CPB2: variants seen among roughly 807,000 people sequenced by gnomAD.
CPB2 encodes the protein carboxypeptidase B-like protein.
In CPB2, 54 loss-of-function variants were observed where a neutral mutation model predicts 57.0. The ratio of observed to expected loss-of-function variants is 0.95; its 90% CI spans 0.76 to 1.19. CPB2 has a LOEUF of 1.19. Among genes scored for constraint, CPB2 ranks in the 50% most tolerant of loss-of-function variants. The probability of loss-of-function intolerance (pLI) is 0.00; values close to 1 mark genes in which losing one functional copy is unlikely to be tolerated. For synonymous variants in CPB2, 189 were observed against 178.1 expected (o/e 1.06, Z -0.49); for missense variants, 426 against 512.0 (o/e 0.83, Z 1.62).
intron 6 of CPB2, among the ~76,000 whole-genome samples, chr13:46,068,122 A>G (rs1444058591): frequency 1.3e-5 from 2 of 152,238 alleles, no homozygotes; most frequent in African/African-American, 4.8e-5. Flanking sequence ...AGCTGGTCAA[A>G]TCGTTTCATC....
chr13:46,088,650 C>G (rs1402916959), intron 1 of CPB2, among the ~76,000 whole-genome samples: 4 of 152,140 alleles, frequency 2.6e-5, no homozygotes, highest in Non-Finnish European at 5.9e-5. Context: ...TGTTGTTCTT[C>G]CTCCTTGCCA....
At chr13:46,099,317 G>T (rs984692038) in intron 1 of CPB2, 2 of 152,208 alleles carry the variant, frequency 1.3e-5, no homozygotes, top group African/African-American at 4.8e-5. Context: ...GGACCTGATT[G>T]TTAAGGGTCT....
At chr13:46,095,950 T>TG (rs1253580394) in intron 1 of CPB2, among the ~76,000 whole-genome samples, 4 of 149,740 alleles carry the variant, frequency 2.7e-5, no homozygotes, top group Non-Finnish European at 1.5e-5. Flanking sequence ...GGAGCAATCT[T>TG]GGCTCACTAC....
chr13:46,083,658 G>T lies in CPB2; in HGVS notation c.275+561C>A, dbSNP rs142967291. ...AAAAGGAAATCATTTCTAATCCACA[G>T]GGTAGGTGCTGTTTTTACCCTTAAT... On this transcript the variant is annotated intron_variant, in intron 3 of 10. Coordinates refer to ENST00000181383, the MANE Select transcript of CPB2 (RefSeq NM_001872.5). Among the ~76,000 whole-genome samples, 706 of 152,254 alleles carry T rather than the reference G, an allele frequency of 4.6e-3. 4 individuals are homozygous for T. The highest frequency in any genetic ancestry group is 0.016 in the African/African-American group (652 of 41,532).
At chr13:46,100,265 CA>C (rs2045417765) in intron 1 of CPB2, 1 of 151,858 alleles carries the variant, frequency 6.6e-6, no homozygotes, top group African/African-American at 2.4e-5. Flanking sequence ...AAAAATTCAC[CA>C]AAAATTTATT....
chr13:46,062,104 C>T (rs1449061807), intron 8 of CPB2, among the ~76,000 whole-genome samples: 1 of 145,492 alleles, frequency 6.9e-6, no homozygotes, highest in Non-Finnish European at 1.5e-5. Flanking sequence ...TGATACATAA[C>T]AATATAGCAC....
intron 1 of CPB2, among the ~76,000 whole-genome samples, chr13:46,096,797 T>C (rs1402157748): frequency 6.6e-6 from 1 of 150,452 alleles, no homozygotes; most frequent in Non-Finnish European, 1.5e-5. Flanking sequence ...AAAAAAAAAG[T>C]GAAGTGGTGC....
Position 46,082,515 on chromosome 13 carries a change from G to A in CPB2, c.310C>T (p.Gln104Ter), listed in dbSNP as rs769143623. 5.0e-6 allele frequency: 8 copies of A among 1,613,686 alleles called. No homozygotes were observed. Among genetic ancestry groups the A allele is most frequent in the Non-Finnish European group, 5.9e-6 (7 of 1,179,662 alleles). ...CTGACTGTGTCGTTGGAAATCTGCT[G>A]TTGAATAAGATCTTCCACATCTGCC... ...LLADVEDLIQ[Q>*]QISNDTVSPR... Residue 104 changes from glutamine to a stop codon, truncating the protein, a stop_gained, in exon 4 of 11, where the codon CAG (glutamine) becomes TAG (stop). Transcript: ENST00000181383. LOFTEE classifies it high-confidence loss of function.
intron 8 of CPB2, among the ~76,000 whole-genome samples, chr13:46,060,147 T>G (rs968134065): frequency 1.3e-5 from 2 of 152,134 alleles, no homozygotes; most frequent in African/African-American, 2.4e-5. Context: ...TACTTTAAAT[T>G]TTCAAGTTAC....
intron 5 of CPB2, among the ~76,000 whole-genome samples, chr13:46,077,228 A>G (rs145391197): frequency 4.6e-5 from 7 of 152,326 alleles, no homozygotes; most frequent in African/African-American, 1.2e-4. Flanking sequence ...TTCAAAAGGA[A>G]AAAAACAAAT....
intron 1 of CPB2, among the ~76,000 whole-genome samples, chr13:46,101,595 A>G (rs1841039140): frequency 6.6e-6 from 1 of 152,214 alleles, no homozygotes; most frequent in Non-Finnish European, 1.5e-5. Context: ...CTGTGTTTCA[A>G]CTGCGTCTCT....
At chr13:46,068,021 G>A (rs9534305) in intron 6 of CPB2, among the ~76,000 whole-genome samples, 52,217 of 152,040 alleles carry the variant, frequency 0.34, 9,197 homozygotes, top group African/African-American at 0.39. Context: ...ACATATTGCA[G>A]TGTGATCCAA....
chr13:46,070,443 G>A (rs780245906), intron 6 of CPB2, among the ~76,000 whole-genome samples: 2 of 152,160 alleles, frequency 1.3e-5, no homozygotes, highest in Non-Finnish European at 2.9e-5. Flanking sequence ...AGTGATGAGA[G>A]GGTGGGATTG....
At chr13:46,066,707 T>C (rs1252974656) in intron 7 of CPB2, among the ~76,000 whole-genome samples, 1 of 151,886 alleles carries the variant, frequency 6.6e-6, no homozygotes. Flanking sequence ...TAGCCAGGCA[T>C]GGTGGCAGGC....
intron 10 of CPB2, 41 bp from the exon 11 acceptor site, chr13:46,053,839 C>CA (rs760631573): frequency 6.5e-7 from 1 of 1,548,774 alleles, no homozygotes; most frequent in Middle Eastern, 1.7e-4. Context: ...ACAGACGTTT[C>CA]AAATTAATTT....
At chr13:46,098,786 G>T (rs17843995) in intron 1 of CPB2, 1 of 152,106 alleles carries the variant, frequency 6.6e-6, no homozygotes, top group Non-Finnish European at 1.5e-5. Flanking sequence ...GAACAGGTGA[G>T]GCCATAGTTG....
Position 46,053,395 on chromosome 13 carries a change from A to G in CPB2, c.*219T>C. On this transcript the variant is annotated 3_prime_UTR_variant, in exon 11 of 11. Transcript: ENST00000181383. ...TCGAAAATCAAAGAAAAAGTAGGTA[A>G]CTAGACTTTTACAATTTTTTTTAAA... The G allele has an allele frequency of 1.8e-6, 1 of 561,904 alleles. No individual in the cohort carries two copies. The highest frequency in any genetic ancestry group is 2.7e-6 in the Non-Finnish European group (1 of 368,728). The allele number at this position is 561,904 out of a possible 1,614,324, so 34.8% of individuals were successfully genotyped here.
At chr13:46,084,473 T>A (rs1053868775) in intron 2 of CPB2, 130 bp from the exon 3 acceptor site, 1 of 846,652 alleles carries the variant, frequency 1.2e-6, no homozygotes, top group Admixed American at 2.9e-5. Flanking sequence ...CTGGTCCCCA[T>A]CCACACACAT....
At chr13:46,081,374 G>C (rs17844204) in intron 4 of CPB2, among the ~76,000 whole-genome samples, 2 of 150,694 alleles carry the variant, frequency 1.3e-5, no homozygotes, top group Non-Finnish European at 2.9e-5. Context: ...TTTTATGAAG[G>C]TGAAATCCCA....
Sources: allele counts gnomAD v4.1 joint callset (sites outside exome capture counted in the v4.1 genomes callset), GRCh38; gene constraint gnomAD v4.1.1; transcripts MANE v1.5; gene names NCBI Gene and HGNC (gene_info 2026-07-23, HGNC 2026-07-21).